The following AFF3 variants were observed in gnomAD, a reference collection of about 807,000 sequenced individuals.
AFF3 encodes ALF transcription elongation factor 3.
AFF3 carries 32 observed loss-of-function variants against 129.7 expected under a neutral mutation model. That is an observed-to-expected ratio of 0.25 (90% CI 0.19 to 0.33). AFF3 has a LOEUF of 0.33. Ranked by LOEUF, AFF3 falls within the 10% of genes least tolerant of loss-of-function variation. The pLI is 1.00. For missense variants in AFF3, 1,373 were observed against 1,592.0 expected (o/e 0.86, Z 2.34); for synonymous variants, 644 against 635.4 (o/e 1.01, Z -0.20).
At chr2:99,764,979 G>C (rs1387041302) in intron 8 of AFF3, among the ~76,000 whole-genome samples, 1 of 152,134 alleles carries the variant, frequency 6.6e-6, no homozygotes, top group Non-Finnish European at 1.5e-5. Context: ...TTCTGAATCT[G>C]GGGCTGACAC....
chr2:100,134,499 G>A (rs942234733), intron 1 of AFF3, among the ~76,000 whole-genome samples: 2 of 151,878 alleles, frequency 1.3e-5, no homozygotes, highest in Admixed American at 6.6e-5. Flanking sequence ...TGGCATTTTC[G>A]ACAGAGTCAA....
intron 7 of AFF3, among the ~76,000 whole-genome samples, chr2:99,960,877 C>T (rs1677153141): frequency 6.6e-6 from 1 of 152,180 alleles, no homozygotes; most frequent in Admixed American, 6.5e-5. Context: ...TCCACACTTG[C>T]CAACCCCCAT....
intron 11 of AFF3, among the ~76,000 whole-genome samples, chr2:99,699,100 G>T (rs142981301): frequency 6.6e-6 from 1 of 152,172 alleles, no homozygotes; most frequent in Non-Finnish European, 1.5e-5. Context: ...TTCTGTGGAT[G>T]AGACATTTAA....
intron 4 of AFF3, among the ~76,000 whole-genome samples, chr2:100,033,952 C>T (rs1213927136): frequency 6.6e-6 from 1 of 152,138 alleles, no homozygotes; most frequent in Admixed American, 6.5e-5. Context: ...ATAAATCATG[C>T]AGGCTAATTC....
At chr2:99,676,251 C>G (rs1417638963) in intron 11 of AFF3, among the ~76,000 whole-genome samples, 4 of 152,180 alleles carry the variant, frequency 2.6e-5, no homozygotes, top group Non-Finnish European at 5.9e-5. Context: ...ATGAAGCCCT[C>G]AACTCACAGC....
intron 7 of AFF3, among the ~76,000 whole-genome samples, chr2:99,947,601 AAGATAGATAGAT>A (rs70940190): frequency 0.1 from 14,240 of 136,246 alleles, 826 homozygotes; most frequent in South Asian, 0.13. Context: ...GAAAGAAAGA[AAGATAGATAGAT>A]AGATAGATAG....
intron 7 of AFF3, among the ~76,000 whole-genome samples, chr2:99,844,842 A>G (rs1166517436): frequency 6.6e-6 from 1 of 152,148 alleles, no homozygotes; most frequent in Non-Finnish European, 1.5e-5. Context: ...TAGATTTTCC[A>G]GTGGATGTGC....
At chr2:100,004,515 G>A (rs1298227060) in intron 7 of AFF3, among the ~76,000 whole-genome samples, 1 of 152,000 alleles carries the variant, frequency 6.6e-6, no homozygotes, top group Non-Finnish European at 1.5e-5. Flanking sequence ...TTGAACTCTG[G>A]CCTCAAGCAA....
intron 11 of AFF3, among the ~76,000 whole-genome samples, chr2:99,704,374 C>A (rs1223371244): frequency 1.3e-5 from 2 of 152,168 alleles, no homozygotes; most frequent in South Asian, 4.1e-4. Flanking sequence ...TTAAAGTCAT[C>A]AGTGGCTGAG....
At chr2:99,628,106 G>A (rs1015008906) in intron 13 of AFF3, among the ~76,000 whole-genome samples, 2 of 152,194 alleles carry the variant, frequency 1.3e-5, no homozygotes, top group Non-Finnish European at 2.9e-5. Context: ...TTTGAAGAAT[G>A]TCAATGGTAG....
chr2:99,864,213 A>G (rs13029950), intron 7 of AFF3, among the ~76,000 whole-genome samples: 3 of 152,240 alleles, frequency 2.0e-5, no homozygotes, highest in Non-Finnish European at 2.9e-5. Flanking sequence ...CAGATGGGGA[A>G]TAAGTTCAAG....
rs55713850 is a variant in AFF3 at position 100,055,462 on chromosome 2, T to TAA, written c.54-46532_54-46531dup. Among the ~76,000 whole-genome samples, 105 of 128,494 alleles carry TAA rather than the reference T, an allele frequency of 8.2e-4. 1 individual carries two copies. Among genetic ancestry groups the TAA allele is most frequent in the African/African-American group, 1.2e-3 (41 of 33,746 alleles). The allele number at this position is 128,494 out of a possible 152,430, so 84.3% of individuals were successfully genotyped here. On this transcript the variant is annotated intron_variant, in intron 4 of 24. Coordinates refer to ENST00000672756, the MANE Select transcript of AFF3 (RefSeq NM_001386135.1). ...TCACATTACAATCACCTAGAAATCTTAAAAAAAAAAAAAAAAGAAAAGAAA... is the reference window on the plus strand; with the variant it reads ...TCACATTACAATCACCTAGAAATCTTAAAAAAAAAAAAAAAAAAGAAAAGAAA...
chr2:99,678,079 C>T (rs1440819430), intron 11 of AFF3, among the ~76,000 whole-genome samples: 1 of 152,212 alleles, frequency 6.6e-6, no homozygotes, highest in Non-Finnish European at 1.5e-5. Context: ...GGGTGGTTCC[C>T]CTCACACACG....
At chr2:99,687,022 T>G (rs1265908088) in intron 11 of AFF3, among the ~76,000 whole-genome samples, 1 of 152,208 alleles carries the variant, frequency 6.6e-6, no homozygotes, top group Non-Finnish European at 1.5e-5. Context: ...GTTCCTCCCT[T>G]AGGGAGCTCC....
rs1330664916 is a variant in AFF3, at chr2:100,006,909, G to A, written c.596C>T (p.Pro199Leu). The change falls in exon 7 of 25, where the codon CCA becomes CTA. Residue 199 changes from proline to leucine, a missense_variant. Around this residue, in one of 9 missense-constraint regions of AFF3, gnomAD observed 255 missense variants for 256.0 expected, o/e 1.00. Coordinates refer to ENST00000672756, the MANE Select transcript of AFF3 (RefSeq NM_001386135.1). ...GCTGTGCTTGGCCGCCATGGCAGGT[G>A]GCCTCTCCTGGGTCTGAAGGCCCAC... ...VEVGLQTQER[P>L]PAMAAKHSSS... is the part of the protein sequence containing the mutation. The A allele has an allele frequency of 1.2e-6, 2 of 1,614,016 alleles. No individual in the cohort carries two copies. Among genetic ancestry groups the A allele is most frequent in the East Asian group, 2.2e-5 (1 of 44,882 alleles).
intron 11 of AFF3, among the ~76,000 whole-genome samples, chr2:99,695,270 C>T (rs1422764932): frequency 6.6e-6 from 1 of 152,188 alleles, no homozygotes; most frequent in Non-Finnish European, 1.5e-5. Flanking sequence ...GCACCAGTGG[C>T]CCTGGCTGGG....
rs1553522205 is a variant in AFF3, at chr2:100,108,053, G to GCCCCTGCAGCATCTCCTCCAGCTTTGT, written c.-144-2471_-144-2470insACAAAGCTGGAGGAGATGCTGCAGGGG. 5.3e-5 allele frequency among the ~76,000 whole-genome samples: 8 copies of GCCCCTGCAGCATCTCCTCCAGCTTTGT among 151,518 alleles called. No individual in the cohort carries two copies. In the East Asian group the frequency reaches 9.8e-4, roughly 19 times the overall value. ...ATAGGAGCATCATCAAGCTGCCTCAGCCCCTACAGCATCTCCTCCAGCTTT... is the reference window on the plus strand; with the variant it reads ...ATAGGAGCATCATCAAGCTGCCTCAGCCCCTGCAGCATCTCCTCCAGCTTTGTCCCCTACAGCATCTCCTCCAGCTTT... On this transcript the variant is annotated intron_variant, in intron 2 of 24. Transcript: ENST00000672756.
chr2:99,897,186 T>G (rs1425339669), intron 7 of AFF3, among the ~76,000 whole-genome samples: 1 of 152,232 alleles, frequency 6.6e-6, no homozygotes, highest in Non-Finnish European at 1.5e-5. Context: ...ACCATAATTA[T>G]GATTGCTATT....
chr2:100,086,568 C>T (rs1260172113), intron 4 of AFF3, among the ~76,000 whole-genome samples: 1 of 152,118 alleles, frequency 6.6e-6, no homozygotes, highest in Admixed American at 6.6e-5. Context: ...CTAAGAGAAC[C>T]TAATGGTGAG....
Sources: gnomAD v4.1 joint callset for allele counts (sites outside exome capture counted in the v4.1 genomes callset) on GRCh38, gnomAD v4.1.1 for gene constraint, gnomAD v4.1.1 regional missense constraint, MANE v1.5 for transcripts, NCBI Gene and HGNC (gene_info 2026-07-23, HGNC 2026-07-21) for gene names.